The following SLC4A11 variants were observed in gnomAD, a reference collection of about 807,000 sequenced individuals.
SLC4A11 encodes solute carrier family 4 member 11.
Under a neutral mutation model 95.0 loss-of-function variants are expected in SLC4A11, and 74 were observed. The observed-to-expected ratio is 0.78, with a 90% CI of 0.65 to 0.95. The LOEUF (loss-of-function observed/expected upper bound fraction) is 0.95. SLC4A11 is among the 40% of genes least tolerant of loss of function. SLC4A11 has a pLI of 0.00. For missense variants in SLC4A11, 1,081 were observed against 1,192.4 expected, an observed-to-expected ratio of 0.91 and a Z score of 1.38; for synonymous variants, 548 against 519.0, an observed-to-expected ratio of 1.06 and a Z score of -0.76.
chr20:3,228,623 C>T lies in SLC4A11; in HGVS notation c.2277G>A (p.Pro759=), dbSNP rs373053580. 60 of 1,613,190 alleles carry T rather than the reference C, an allele frequency of 3.7e-5. 1 individual carries two copies. The highest frequency in any genetic ancestry group is 3.3e-4 in the Admixed American group (20 of 60,018). ...GCACGGGCTTGGGGATCCACTGAAGCGGGACCGGCAGCAGCAACAGGGACA... is the reference window on the plus strand; with the variant it reads ...GCACGGGCTTGGGGATCCACTGAAGTGGGACCGGCAGCAGCAACAGGGACA... ...VGLSLLLLPV[P]LQWIPKPVLY... is the part of the protein sequence containing the mutation. Residue 759 remains proline (P), a synonymous_variant, in exon 18 of 20, where the codon CCG becomes CCA. Coordinates refer to ENST00000642402, the MANE Select transcript of SLC4A11 (RefSeq NM_001174089.2).
At chr20:3,232,274 G>A (rs1022109784) in intron 7 of SLC4A11, among the ~76,000 whole-genome samples, 4 of 152,234 alleles carry the variant, frequency 2.6e-5, no homozygotes, top group African/African-American at 7.2e-5. Flanking sequence ...GGTGAAGCCC[G>A]TCCGTGAACC....
At chr20:3,229,866 CA>C (rs2067694238) in intron 13 of SLC4A11, 90 bp from the exon 14 acceptor site, 2 of 1,580,318 alleles carry the variant, frequency 1.3e-6, no homozygotes, top group African/African-American at 1.3e-5. Flanking sequence ...GAAAGGGCTC[CA>C]GGGGGAAGGT....
rs770217478 is a variant in SLC4A11, at chr20:3,228,247, A to T, written c.2558+12T>A. ...ACTGGGCCCCTCCTGCCCACTGCCCACCCGCCTGTACCGGATGGGGATCAT... is the reference window on the plus strand; with the variant it reads ...ACTGGGCCCCTCCTGCCCACTGCCCTCCCGCCTGTACCGGATGGGGATCAT... On this transcript the variant is annotated intron_variant, in intron 19 of 19. Coordinates refer to ENST00000642402, the MANE Select transcript of SLC4A11 (RefSeq NM_001174089.2). The T allele has an allele frequency of 6.0e-6, 9 of 1,502,566 alleles. No individual in the cohort carries two copies. In the South Asian group the frequency reaches 7.9e-5, roughly 13 times the overall value. The allele number at this position is 1,502,566 out of a possible 1,614,324, so 93.1% of individuals were successfully genotyped here. A position where few individuals can be genotyped will look rare whatever the true frequency, so the allele number is the denominator to read the frequency against.
rs1363770105 is a variant in SLC4A11, at chr20:3,230,991, G to A, written c.1110C>T (p.Cys370=). Residue 370 remains cysteine, a synonymous_variant, in exon 10 of 20, where the codon TGC becomes TGT. Coordinates refer to ENST00000642402, the MANE Select transcript of SLC4A11 (RefSeq NM_001174089.2). ...ACCCGAAAGCGATGGTGGGCAGGAG[G>A]CAGGCGAAGTAGAGGAACAGGGTGG... ...ITTTLFLYFA[C]LLPTIAFGSL... is the part of the protein sequence containing the mutation. 6.2e-7 allele frequency: 1 copy of A among 1,613,992 alleles called. No homozygotes were observed.
In SLC4A11 at chr20:3,233,952, C is replaced by T. The variant is rs781727797; in HGVS notation, c.574G>A (p.Val192Met). The T allele has an allele frequency of 3.1e-6, 5 of 1,613,726 alleles. No homozygotes were observed. The highest frequency in any genetic ancestry group is 3.4e-6 in the Non-Finnish European group (4 of 1,180,032). Residue 192 changes from valine (V) to methionine (M), a missense_variant, in exon 6 of 20, where the codon GTG becomes ATG. Physicochemically the swap from Val to Met is conservative, Grantham distance 21. This residue lies in a region of SLC4A11 where 310 missense variants were observed against 313.5 expected (regional missense o/e 0.99). Coordinates refer to ENST00000642402, the MANE Select transcript of SLC4A11 (RefSeq NM_001174089.2). ...CAGAGCCACGACTGCTGGTACCGCACCCCTGTCACTGTGGCGGTGACCCCT... is the reference window on the plus strand; with the variant it reads ...CAGAGCCACGACTGCTGGTACCGCATCCCTGTCACTGTGGCGGTGACCCCT... ...IQGVTATVTG[V>M]RYQQSWLCII...
rs1404551506 is a variant in SLC4A11, at chr20:3,231,914, T to C, written c.730-366A>G. On this transcript the variant is annotated intron_variant, in intron 7 of 19. Transcript: ENST00000642402. The surrounding 1 kb of genome is among the most constrained non-coding windows in gnomAD (Gnocchi z 5.2). ...CTCAAGCAATCCATCTGTCTAGGCC[T>C]CCCAAAGTGCTGGGATTACAGGCAC... Among the ~76,000 whole-genome samples the C allele has an allele frequency of 2.6e-5, 4 of 152,130 alleles. No individual in the cohort carries two copies. The highest frequency in any genetic ancestry group is 5.9e-5 in the Non-Finnish European group (4 of 68,026).
intron 2 of SLC4A11, 111 bp downstream of exon 2, chr20:3,237,433 G>A: frequency 1.8e-6 from 2 of 1,110,606 alleles, no homozygotes; most frequent in Non-Finnish European, 2.8e-6. Context: ...CACTAGAGTG[G>A]CCCAGATAGG....
At position 3,233,571 on chromosome 20, in the gene SLC4A11, C is replaced by A. The variant is rs772916997; in HGVS notation, c.672G>T (p.Trp224Cys). Residue 224 changes from tryptophan to cysteine, a missense_variant, in exon 7 of 20, where the codon TGG becomes TGT. By Grantham distance (215) the Trp-to-Cys change is radical. Coordinates refer to ENST00000642402, the MANE Select transcript of SLC4A11 (RefSeq NM_001174089.2). ...ACCGAACCTCACAGGAATTCTCCCCCCAGTTCTGTGGGCGAACCAGGCGGC... is the reference window on the plus strand; with the variant it reads ...ACCGAACCTCACAGGAATTCTCCCCACAGTTCTGTGGGCGAACCAGGCGGC... ...CISRLVRPQN[W>C]GENSCEVRFV... 8 of 1,613,698 alleles carry A rather than the reference C, an allele frequency of 5.0e-6. No individual in the cohort carries two copies. The Admixed American group carries it at 1.2e-4, about 24-fold the overall frequency.
Position 3,231,423 on chromosome 20 carries a change from C to G in SLC4A11, c.855G>C (p.Gln285His). The G allele has an allele frequency of 6.2e-7, 1 of 1,614,114 alleles. No homozygotes were observed. The highest frequency in any genetic ancestry group is 8.5e-7 in the Non-Finnish European group (1 of 1,180,034). The change falls in exon 8 of 20, where the codon CAG becomes CAC. Residue 285 changes from glutamine to histidine, a missense_variant. Coordinates refer to ENST00000642402, the MANE Select transcript of SLC4A11 (RefSeq NM_001174089.2). The surrounding 1 kb of genome is among the most constrained non-coding windows in gnomAD (Gnocchi z 5.2). ...GGCTCACCATGGTGAGCAGCTGTCTCTGATGCACCAAGGCCTCCTTGAATT... is the reference window on the plus strand; with the variant it reads ...GGCTCACCATGGTGAGCAGCTGTCTGTGATGCACCAAGGCCTCCTTGAATT... ...EEEFKEALVH[Q>H]RQLLTMVSHG...
chr20:3,234,640 G>T lies in SLC4A11; in HGVS notation c.242-23C>A. 2 of 1,613,868 alleles carry T rather than the reference G, an allele frequency of 1.2e-6. No individual in the cohort carries two copies. Among genetic ancestry groups the T allele is most frequent in the Non-Finnish European group, 1.7e-6 (2 of 1,180,022 alleles). On this transcript the variant is annotated intron_variant, in intron 3 of 19. Transcript: ENST00000642402. This position sits in a 1 kb window ranked among gnomAD's most constrained non-coding sequence, Gnocchi z 5.8. ...TCTCTGCCGGAGAAAAGCGGGGAGG[G>T]CTCAGGGTGCCACCCTCTCCTCAGG...
chr20:3,234,461 C>G lies in SLC4A11; in HGVS notation c.291+107G>C. On this transcript the variant is annotated intron_variant, in intron 4 of 19. Coordinates refer to ENST00000642402, the MANE Select transcript of SLC4A11 (RefSeq NM_001174089.2). The surrounding 1 kb of genome is among the most constrained non-coding windows in gnomAD (Gnocchi z 5.8). Reference sequence around the variant, plus strand: ...CTGGTGCGAGCTCCCTGTTGAGCTGCTCCTGGAGGCATGGGAAGAGGGGAG... The same window carrying G: ...CTGGTGCGAGCTCCCTGTTGAGCTGGTCCTGGAGGCATGGGAAGAGGGGAG... 4 of 1,548,732 alleles carry G rather than the reference C, an allele frequency of 2.6e-6. No homozygotes were observed. Among genetic ancestry groups the G allele is most frequent in the Non-Finnish European group, 8.9e-7 (1 of 1,124,276 alleles).
In SLC4A11 at chr20:3,229,579, G is replaced by A. The variant is rs1439970908; in HGVS notation, c.1687C>T (p.Leu563Phe). The A allele has an allele frequency of 1.2e-5, 20 of 1,612,828 alleles. No individual in the cohort carries two copies. The highest frequency in any genetic ancestry group is 1.7e-5 in the Non-Finnish European group (20 of 1,179,942). The part of the protein sequence containing the change: ...SGQATAVLSL[L>F]IMLGTLWLGY... ...AGCCAGAGCGTGCCCAGCATGATGAGGAGGCTGAGCACGGCGGTCGCCTGG... is the reference window on the plus strand; with the variant it reads ...AGCCAGAGCGTGCCCAGCATGATGAAGAGGCTGAGCACGGCGGTCGCCTGG... The change falls in exon 14 of 20, where the codon CTC becomes TTC. Residue 563 changes from leucine to phenylalanine, a missense_variant. Physicochemically the swap from Leu to Phe is conservative, Grantham distance 22. This residue lies in a region of SLC4A11 where 767 missense variants were observed against 858.0 expected (regional missense o/e 0.89). Transcript: ENST00000642402.
chr20:3,229,074 AC>A lies in SLC4A11; in HGVS notation c.2018+20del, dbSNP rs752667663. On this transcript the variant is annotated intron_variant, in intron 16 of 19. Transcript: ENST00000642402. ...CAGAGGCCCGGGCCCCGCCCACCCC[AC>A]CCTCACCCACCCTCCACACCTGTTC... 5.2e-6 allele frequency: 1 copy of A among 190,754 alleles called. No individual in the cohort carries two copies. 11.8% of individuals were successfully genotyped at this position (190,754 alleles called of 1,614,324 possible). A position where few individuals can be genotyped will look rare whatever the true frequency, so the allele number is the denominator to read the frequency against.
intron 1 of SLC4A11, chr20:3,238,337 G>C (rs887816770): frequency 1.0e-5 from 10 of 985,336 alleles, no homozygotes; most frequent in Non-Finnish European, 1.2e-5. Context: ...TGCACGAGAG[G>C]AAAGCGCCTC....
At position 3,234,984 on chromosome 20, in the gene SLC4A11, G is replaced by A; in HGVS notation, c.89-90C>T. The A allele has an allele frequency of 6.5e-7, 1 of 1,540,818 alleles. No individual in the cohort carries two copies. Among genetic ancestry groups the A allele is most frequent in the Non-Finnish European group, 8.9e-7 (1 of 1,118,550 alleles). ...CAAGCCCAGGGAGCAGGGACCCCTG[G>A]ACTGTCCCACTCTCGGGCCGTGGTG... On this transcript the variant is annotated intron_variant, in intron 2 of 19. Coordinates refer to ENST00000642402, the MANE Select transcript of SLC4A11 (RefSeq NM_001174089.2). The surrounding 1 kb of genome is among the most constrained non-coding windows in gnomAD (Gnocchi z 5.8).
Position 3,230,539 on chromosome 20 carries a change from C to T in SLC4A11, c.1391G>A (p.Ser464Asn). 1 of 1,613,956 alleles carries T rather than the reference C, an allele frequency of 6.2e-7. No individual in the cohort carries two copies. Among genetic ancestry groups the T allele is most frequent in the South Asian group, 1.1e-5 (1 of 91,090 alleles). The change falls in exon 12 of 20, where the codon AGC becomes AAC. Residue 464 changes from serine to asparagine, a missense_variant. Coordinates refer to ENST00000642402, the MANE Select transcript of SLC4A11 (RefSeq NM_001174089.2). ...CCTCTTGAAGAGACTCATGACCAGG[C>T]TGAGGTTGAAAAAGGCATAAAGCGC... ...FLALYAFFNL[S>N]LVMSLFKRST...
In SLC4A11 at chr20:3,230,825, C is replaced by T. The variant is rs1286683365; in HGVS notation, c.1189G>A (p.Gly397Arg). Residue 397 changes from glycine to arginine, a missense_variant, in exon 11 of 20, where the codon GGG becomes AGG. Physicochemically the swap from Gly to Arg is moderately radical, Grantham distance 125 (BLOSUM62 -2). Coordinates refer to ENST00000642402, the MANE Select transcript of SLC4A11 (RefSeq NM_001174089.2). ...GAIDVQKTIA[G>R]QSIGGLLYAL... ...TAGAGCAGGCCCCCGATGCTCTGCC[C>T]GGCTATGGTCTTCTGCACGTCTGTG... 1.4e-5 allele frequency: 23 copies of T among 1,613,186 alleles called. No homozygotes were observed. The highest frequency in any genetic ancestry group is 2.2e-5 in the East Asian group (1 of 44,858).
In SLC4A11 at chr20:3,231,374, T is replaced by C. The variant is rs751241049; in HGVS notation, c.904A>G (p.Lys302Glu). ...VSHGPVAPRT[K>E]ERSTVSLPAH... is the part of the protein sequence containing the mutation. ...GGGAGGGAGACTGTGCTGCGTTCCT[T>C]CGTTCTCGGCGCCACTGGACCGTGG... The change falls in exon 8 of 20, where the codon AAG (lysine) becomes GAG (glutamate). Residue 302 changes from lysine to glutamate, a missense_variant. Physicochemically the swap from Lys to Glu is moderately conservative, Grantham distance 56. Transcript: ENST00000642402. This position sits in a 1 kb window ranked among gnomAD's most constrained non-coding sequence, Gnocchi z 5.2. 6.2e-7 allele frequency: 1 copy of C among 1,614,004 alleles called. No homozygotes were observed. The highest frequency in any genetic ancestry group is 1.1e-5 in the South Asian group (1 of 91,070).
Position 3,229,211 on chromosome 20 carries a change from G to A in SLC4A11, c.1902C>T (p.Ile634=). 1 of 1,612,802 alleles carries A rather than the reference G, an allele frequency of 6.2e-7. No individual in the cohort carries two copies. Among genetic ancestry groups the A allele is most frequent in the Non-Finnish European group, 8.5e-7 (1 of 1,180,014 alleles). The change falls in exon 16 of 20, where the codon ATC becomes ATT. Residue 634 remains isoleucine (I), a synonymous_variant. Transcript: ENST00000642402. The stretch of plus-strand genomic sequence containing the variant: ...TGACGGCCCTCAGGGACAGCGACTG[G>A]ATCTGCGCCATCGCAAAGGGGCTCT... ...PSESPFAMAQ[I]QSLSLRAVSG...
Sources: allele counts gnomAD v4.1 joint callset (sites outside exome capture counted in the v4.1 genomes callset), GRCh38; gene constraint gnomAD v4.1.1; regional missense constraint gnomAD v4.1.1; non-coding constraint Gnocchi (gnomAD v3.1); transcripts MANE v1.5; gene names NCBI Gene and HGNC (gene_info 2026-07-23, HGNC 2026-07-21).